The following CAMK4 variants were observed in gnomAD, a reference collection of about 807,000 sequenced individuals.
CAMK4 encodes the protein calcium/calmodulin dependent protein kinase IV, also known as calcium/calmodulin-dependent protein kinase type IV.
In CAMK4, 22 loss-of-function variants were observed where a neutral mutation model predicts 44.9. That is an observed-to-expected ratio of 0.49 (90% CI 0.35 to 0.70). The LOEUF (loss-of-function observed/expected upper bound fraction) is 0.70, where lower values mean the gene tolerates loss of function less well. Ranked by LOEUF, CAMK4 falls within the 30% of genes least tolerant of loss-of-function variation. The pLI, the probability that CAMK4 is intolerant of heterozygous loss-of-function variation, is 0.01. For missense variants in CAMK4, 498 were observed against 586.8 expected (o/e 0.85, Z 1.56); for synonymous variants, 218 against 215.4 (o/e 1.01, Z -0.11).
chr5:111,227,547 C>T (rs912355207), intron 1 of CAMK4, among the ~76,000 whole-genome samples: 4 of 152,142 alleles, frequency 2.6e-5, no homozygotes, highest in Non-Finnish European at 5.9e-5. Context: ...GAAGATTGGA[C>T]GGTGACCACT....
At chr5:111,383,245 C>T (rs991038426) in intron 4 of CAMK4, among the ~76,000 whole-genome samples, 5 of 152,034 alleles carry the variant, frequency 3.3e-5, no homozygotes, top group African/African-American at 7.2e-5. Context: ...GTCAGATAAA[C>T]GGATTTGGTT....
chr5:111,355,709 G>T (rs542036788), intron 2 of CAMK4, among the ~76,000 whole-genome samples: 17 of 146,470 alleles, frequency 1.2e-4, no homozygotes, highest in African/African-American at 4.0e-4. Flanking sequence ...GTGTCCATGT[G>T]CTCTCATTGT....
intron 7 of CAMK4, among the ~76,000 whole-genome samples, chr5:111,450,640 T>C (rs1169176078): frequency 7.4e-6 from 1 of 135,206 alleles, no homozygotes; most frequent in Non-Finnish European, 1.6e-5. Context: ...ATGCAAAAAA[T>C]AACCCGGCAT....
At position 111,411,014 on chromosome 5, in the gene CAMK4, A is replaced by C. The variant is rs116637405; in HGVS notation, c.459+16232A>C. Among the ~76,000 whole-genome samples, 1,218 of 152,248 alleles carry C rather than the reference A, an allele frequency of 8.0e-3. 18 individuals carry two copies. Among genetic ancestry groups the C allele is most frequent in the African/African-American group, 0.028 (1,148 of 41,532 alleles). ...TTCTCAGATTTTTTTTGTTGTGTTC[A>C]ATGAAAACACACACACAAAAGTTTC... On this transcript the variant is annotated intron_variant, in intron 5 of 10. Coordinates refer to ENST00000282356, the MANE Select transcript of CAMK4 (RefSeq NM_001744.6).
intron 4 of CAMK4, among the ~76,000 whole-genome samples, chr5:111,386,983 T>C (rs1751627815): frequency 6.6e-6 from 1 of 152,132 alleles, no homozygotes; most frequent in Non-Finnish European, 1.5e-5. Context: ...TAGCCCACAA[T>C]GGAAGTCTGG....
At chr5:111,456,375 C>G (rs907202246) in intron 7 of CAMK4, among the ~76,000 whole-genome samples, 6 of 151,914 alleles carry the variant, frequency 3.9e-5, no homozygotes, top group African/African-American at 1.5e-4. Context: ...CCTGTAGTCC[C>G]AGCTACTCGG....
intron 2 of CAMK4, among the ~76,000 whole-genome samples, chr5:111,351,475 G>A (rs1750101476): frequency 6.7e-6 from 1 of 149,880 alleles, no homozygotes; most frequent in Non-Finnish European, 1.5e-5. Context: ...GCGCCATCTT[G>A]GCTCACTGCA....
At chr5:111,247,244 C>T (rs1295827978) in intron 1 of CAMK4, among the ~76,000 whole-genome samples, 1 of 150,120 alleles carries the variant, frequency 6.7e-6, no homozygotes, top group African/African-American at 2.4e-5. Context: ...AAATTACATA[C>T]ACACACATTG....
chr5:111,283,939 G>C (rs906279964), intron 1 of CAMK4, among the ~76,000 whole-genome samples: 2 of 152,156 alleles, frequency 1.3e-5, no homozygotes, highest in African/African-American at 4.8e-5. Context: ...CATTTCACTT[G>C]AAAAATCATT....
At chr5:111,300,811 A>G (rs1747687807) in intron 1 of CAMK4, among the ~76,000 whole-genome samples, 1 of 152,246 alleles carries the variant, frequency 6.6e-6, no homozygotes, top group Non-Finnish European at 1.5e-5. Flanking sequence ...TTTTTAACAT[A>G]AGAATTCTCC....
In CAMK4 at chr5:111,369,995, T is replaced by A. The variant is rs200861221; in HGVS notation, c.241-4855T>A. Among the ~76,000 whole-genome samples, 122 of 152,212 alleles carry A rather than the reference T, an allele frequency of 8.0e-4. No individual in the cohort carries two copies. The East Asian group carries it at 8.1e-3, about 10-fold the overall frequency. On this transcript the variant is annotated intron_variant, in intron 2 of 10. Coordinates refer to ENST00000282356, the MANE Select transcript of CAMK4 (RefSeq NM_001744.6). ...GAGGGCTGACTGTATGTGGAAAAAG[T>A]CTCACTTTACTCAGATATGCAGCTG...
Position 111,371,011 on chromosome 5 carries a change from C to T in CAMK4, c.241-3839C>T, listed in dbSNP as rs973095176. 5.9e-5 allele frequency among the ~76,000 whole-genome samples: 9 copies of T among 152,244 alleles called. No homozygotes were observed. In the South Asian group the frequency reaches 6.2e-4, roughly 11 times the overall value. ...CAATGCCATTTGACTGTTCTAGTAA[C>T]GCCTCTCTTTTTCAAAGATCTCTCA... On this transcript the variant is annotated intron_variant, in intron 2 of 10. Coordinates refer to ENST00000282356, the MANE Select transcript of CAMK4 (RefSeq NM_001744.6).
chr5:111,463,369 T>C (rs1218691648), intron 7 of CAMK4, among the ~76,000 whole-genome samples: 2 of 152,132 alleles, frequency 1.3e-5, no homozygotes, highest in African/African-American at 4.8e-5. Flanking sequence ...ACCCTGTGTA[T>C]AGGAAGCAGA....
At chr5:111,260,182 C>G (rs544701889) in intron 1 of CAMK4, among the ~76,000 whole-genome samples, 5 of 152,266 alleles carry the variant, frequency 3.3e-5, no homozygotes, top group African/African-American at 1.2e-4. Context: ...ATTGTCTTGA[C>G]TGTCTGGGTC....
rs139004418 is a variant in CAMK4, at chr5:111,486,542, C to CACACGT, written c.*2076_*2077insACACGT. The CACACGT allele has an allele frequency of 6.8e-6, 1 of 147,242 alleles. No homozygotes were observed. Among genetic ancestry groups the CACACGT allele is most frequent in the Non-Finnish European group, 1.5e-5 (1 of 67,218 alleles). The allele number at this position is 147,242 out of a possible 1,614,324, so 9.1% of individuals were successfully genotyped here. A position where few individuals can be genotyped will look rare whatever the true frequency, so the allele number is the denominator to read the frequency against. ...ACACACACACACACACACACACACACGTGTTGGAAGAGCAAAGAGAGGGAA... is the reference window on the plus strand; with the variant it reads ...ACACACACACACACACACACACACACACACGTGTGTTGGAAGAGCAAAGAGAGGGAA... On this transcript the variant is annotated 3_prime_UTR_variant, in exon 11 of 11. Coordinates refer to ENST00000282356, the MANE Select transcript of CAMK4 (RefSeq NM_001744.6).
At chr5:111,423,829 C>T (rs1012967497) in intron 5 of CAMK4, among the ~76,000 whole-genome samples, 7 of 152,174 alleles carry the variant, frequency 4.6e-5, no homozygotes, top group African/African-American at 1.7e-4. Flanking sequence ...AGACAACACT[C>T]CCATGACTTA....
At chr5:111,368,040 A>T (rs1053277374) in intron 2 of CAMK4, among the ~76,000 whole-genome samples, 11 of 152,078 alleles carry the variant, frequency 7.2e-5, no homozygotes, top group African/African-American at 2.2e-4. Flanking sequence ...TCCATGCCTC[A>T]TGTGTTTTTT....
At chr5:111,313,859 T>G (rs1007530392) in intron 1 of CAMK4, among the ~76,000 whole-genome samples, 2 of 152,092 alleles carry the variant, frequency 1.3e-5, no homozygotes, top group African/African-American at 4.8e-5. Flanking sequence ...AGGAAGCCAA[T>G]GAAATTGGAC....
At chr5:111,371,830 A>G (rs1213344209) in intron 2 of CAMK4, among the ~76,000 whole-genome samples, 4 of 152,194 alleles carry the variant, frequency 2.6e-5, no homozygotes, top group South Asian at 4.1e-4. Context: ...GGCTACAGCC[A>G]TCATTTTCTT....
Sources: allele counts gnomAD v4.1 joint callset (sites outside exome capture counted in the v4.1 genomes callset), GRCh38; gene constraint gnomAD v4.1.1; transcripts MANE v1.5; gene names NCBI Gene and HGNC (gene_info 2026-07-23, HGNC 2026-07-21).